KDELR1: variants seen among roughly 807,000 people sequenced by gnomAD.
The protein encoded by KDELR1 is ER lumen protein-retaining receptor 1.
KDELR1 carries 16 observed loss-of-function variants against 25.5 expected under a neutral mutation model. The ratio of observed to expected loss-of-function variants is 0.63; its 90% CI spans 0.43 to 0.95. KDELR1 has a LOEUF of 0.95. Among genes scored for constraint, KDELR1 ranks in the 40% least tolerant of loss-of-function variants. KDELR1 has a pLI of 0.00. For missense variants in KDELR1, 159 were observed against 265.2 expected (o/e 0.60, Z 2.78); for synonymous variants, 121 against 115.0 (o/e 1.05, Z -0.33).
chr19:48,390,561 G>T, intron 1 of KDELR1, 37 bp from the exon 2 acceptor site: 1 of 1,245,266 alleles, frequency 8.0e-7, no homozygotes, highest in Non-Finnish European at 1.2e-6. Flanking sequence ...GAGAGAGAGA[G>T]ACAGAGAGAG....
rs766747893 is a variant in KDELR1, at chr19:48,390,554, A to G, written c.92-30T>C. ...GGTCCAGAGACAGAGAAAGAGAGAG[A>G]GAGAGAGACAGAGAGAGAGAGAGAG... On this transcript the variant is annotated intron_variant, in intron 1 of 4. Transcript: ENST00000330720. The G allele has an allele frequency of 6.0e-6, 8 of 1,323,016 alleles. No individual in the cohort carries two copies. The South Asian group carries it at 9.6e-5, about 16-fold the overall frequency. 82.0% of individuals were successfully genotyped at this position (1,323,016 alleles called of 1,614,324 possible). A position where few individuals can be genotyped will look rare whatever the true frequency, so the allele number is the denominator to read the frequency against.
chr19:48,391,274 A>G lies in KDELR1; in HGVS notation c.85T>C (p.Cys29Arg). The G allele has an allele frequency of 6.4e-7, 1 of 1,554,666 alleles. No individual in the cohort carries two copies. Among genetic ancestry groups the G allele is most frequent in the Non-Finnish European group, 8.7e-7 (1 of 1,148,712 alleles). ...LLLKIWKSRS[C>R]AGISGKSQVL... ...GCCCTGGTGGGCCTCTCACCGGCGCACGAGCGGGACTTCCAGATTTTGAGC... is the reference window on the plus strand; with the variant it reads ...GCCCTGGTGGGCCTCTCACCGGCGCGCGAGCGGGACTTCCAGATTTTGAGC... The change falls in exon 1 of 5, where the codon TGC (cysteine) becomes CGC (arginine). Residue 29 changes from cysteine (C) to arginine (R), a missense_variant. Transcript: ENST00000330720.
chr19:48,396,778 G>A, the KDELR1 span, among the ~76,000 whole-genome samples: 3 of 152,094 alleles, frequency 2.0e-5, no homozygotes, highest in Non-Finnish European at 2.9e-5. Flanking sequence ...CCTTTCCCCC[G>A]CCCTGGCTGT....
At chr19:48,396,854 C>G in the KDELR1 span, among the ~76,000 whole-genome samples, 1 of 151,998 alleles carries the variant, frequency 6.6e-6, no homozygotes, top group Non-Finnish European at 1.5e-5. Context: ...CAGGAGAGAA[C>G]CCTTCCTTGT....
rs930030217 is a variant in KDELR1, at chr19:48,384,543, G to C, written c.352-61C>G. The C allele has an allele frequency of 2.6e-6, 4 of 1,563,448 alleles. No homozygotes were observed. The African/African-American group carries it at 5.4e-5, about 21-fold the overall frequency. ...GGACAGGGCGGGAGAAAAGGCAGAG[G>C]ACAACATTGCAGTTACAGGTGCCGC... On this transcript the variant is annotated intron_variant, in intron 3 of 4. Transcript: ENST00000330720. This position sits in a 1 kb window ranked among gnomAD's most constrained non-coding sequence, Gnocchi z 4.6.
chr19:48,388,321 C>T (rs188334295), intron 3 of KDELR1, among the ~76,000 whole-genome samples: 19 of 152,270 alleles, frequency 1.2e-4, no homozygotes, highest in Admixed American at 2.6e-4. Context: ...GACCTGATCA[C>T]AACTTTACAA....
At position 48,384,300 on chromosome 19, in the gene KDELR1, G is replaced by A; in HGVS notation, c.534C>T (p.Leu178=). Residue 178 remains leucine, a synonymous_variant, in exon 4 of 5, where the codon CTC becomes CTT. Coordinates refer to ENST00000330720, the MANE Select transcript of KDELR1 (RefSeq NM_006801.3). This position sits in a 1 kb window ranked among gnomAD's most constrained non-coding sequence, Gnocchi z 4.6. ...GGACCAGGCCTGCCACAATGGCGAT[G>A]AGGTCGAAGAAGCCCTCGAAATGGT... The part of the protein sequence containing the change: ...WRYHFEGFFD[L]IAIVAGLVQT... 6 of 1,614,256 alleles carry A rather than the reference G, an allele frequency of 3.7e-6. No homozygotes were observed. The highest frequency in any genetic ancestry group is 5.1e-6 in the Non-Finnish European group (6 of 1,180,044).
chr19:48,386,411 C>T (rs1449411715), intron 3 of KDELR1, among the ~76,000 whole-genome samples: 2 of 151,508 alleles, frequency 1.3e-5, no homozygotes, highest in African/African-American at 4.9e-5. Context: ...GCCACTGCGC[C>T]CAGTCTTGCA....
At chr19:48,389,284 T>C (rs910712166) in intron 3 of KDELR1, among the ~76,000 whole-genome samples, 2 of 151,968 alleles carry the variant, frequency 1.3e-5, no homozygotes, top group Non-Finnish European at 2.9e-5. Flanking sequence ...AAAAAAAGAA[T>C]CCCTAAGCCT....
intron 2 of KDELR1, 65 bp downstream of exon 2, chr19:48,390,359 G>A (rs1970535618): frequency 8.1e-7 from 1 of 1,229,882 alleles, no homozygotes. Flanking sequence ...AGACCTAGGA[G>A]TCTGGGACCC....
upstream of KDELR1, among the ~76,000 whole-genome samples, chr19:48,392,941 C>T (rs1480716145): frequency 6.6e-6 from 1 of 152,218 alleles, no homozygotes; most frequent in Non-Finnish European, 1.5e-5. Flanking sequence ...GTGGTCTGGA[C>T]TCCTGCATCT....
At chr19:48,396,504 G>A (rs1970642981), upstream of KDELR1, among the ~76,000 whole-genome samples, 1 of 151,818 alleles carries the variant, frequency 6.6e-6, no homozygotes, top group African/African-American at 2.4e-5. Flanking sequence ...GGGAGCGTGA[G>A]TGTTAACCCC....
At chr19:48,392,272 A>G (rs1970567156), upstream of KDELR1, among the ~76,000 whole-genome samples, 2 of 120,718 alleles carry the variant, frequency 1.7e-5, no homozygotes, top group South Asian at 2.7e-4. Flanking sequence ...CCTCAGACCC[A>G]GGAGTCCAGA....
upstream of KDELR1, among the ~76,000 whole-genome samples, chr19:48,393,147 G>A (rs1970581925): frequency 6.6e-6 from 1 of 151,900 alleles, no homozygotes; most frequent in South Asian, 2.1e-4. This position sits in a 1 kb window ranked among gnomAD's most constrained non-coding sequence, Gnocchi z 5.6. Flanking sequence ...CGGGATGACT[G>A]AGTCCTTAAA....
intron 1 of KDELR1, 93 bp from the exon 2 acceptor site, chr19:48,390,617 G>C: frequency 7.8e-5 from 70 of 897,946 alleles, no homozygotes; most frequent in Non-Finnish European, 1.1e-4. Flanking sequence ...GAGAGAGGAA[G>C]CTGGGGGTGG....
In KDELR1 at chr19:48,383,106, G is replaced by A. The variant is rs1017949454; in HGVS notation, c.*187C>T. ...TCTAAAAGGCAAAAAACTACAAACA[G>A]CCCAAGTCCTGAGCTCCCCAAGACC... On this transcript the variant is annotated 3_prime_UTR_variant, in exon 5 of 5. Transcript: ENST00000330720. The A allele has an allele frequency of 3.8e-5, 23 of 611,166 alleles. No homozygotes were observed. The African/African-American group carries it at 4.3e-4, about 11-fold the overall frequency. The allele number at this position is 611,166 out of a possible 1,614,324, so 37.9% of individuals were successfully genotyped here. A position where few individuals can be genotyped will look rare whatever the true frequency, so the allele number is the denominator to read the frequency against.
chr19:48,384,503 T>G lies in KDELR1; in HGVS notation c.352-21A>C. On this transcript the variant is annotated intron_variant, in intron 3 of 4. Coordinates refer to ENST00000330720, the MANE Select transcript of KDELR1 (RefSeq NM_006801.3). The surrounding 1 kb of genome is among the most constrained non-coding windows in gnomAD (Gnocchi z 4.6). Reference sequence around the variant, plus strand: ...AGGATCTGCAGAGAGGCCGGGGACATGATGAGGTGGGAGGGGACAGGGCGG... The same window carrying G: ...AGGATCTGCAGAGAGGCCGGGGACAGGATGAGGTGGGAGGGGACAGGGCGG... The G allele has an allele frequency of 6.2e-7, 1 of 1,607,004 alleles. No individual in the cohort carries two copies. The highest frequency in any genetic ancestry group is 8.5e-7 in the Non-Finnish European group (1 of 1,176,146).
chr19:48,395,739 G>T (rs1970631939), upstream of KDELR1, among the ~76,000 whole-genome samples: 1 of 152,078 alleles, frequency 6.6e-6, no homozygotes, highest in South Asian at 2.1e-4. Flanking sequence ...GAGCTCGGTG[G>T]GGGGGCACCC....
chr19:48,393,897 G>T (rs1019410591), upstream of KDELR1, among the ~76,000 whole-genome samples: 2 of 152,020 alleles, frequency 1.3e-5, no homozygotes, highest in African/African-American at 2.4e-5. The surrounding 1 kb of genome is among the most constrained non-coding windows in gnomAD (Gnocchi z 5.6). Context: ...GGGTGTCTGG[G>T]GCTGGCTGGT....
Sources: gnomAD v4.1 joint callset for allele counts (sites outside exome capture counted in the v4.1 genomes callset) on GRCh38, gnomAD v4.1.1 for gene constraint, Gnocchi (gnomAD v3.1) non-coding constraint, MANE v1.5 for transcripts, NCBI Gene and HGNC (gene_info 2026-07-23, HGNC 2026-07-21) for gene names.